Variants in SRGAP3 observed in about 807,000 individuals in gnomAD.
SRGAP3 encodes SLIT-ROBO Rho GTPase-activating protein 3.
A neutral mutation model predicts 121.1 loss-of-function variants in SRGAP3; 39 were observed. The ratio of observed to expected loss-of-function variants is 0.32; its 90% CI spans 0.25 to 0.42. The LOEUF is 0.42. Ranked by LOEUF, SRGAP3 falls within the 10% of genes least tolerant of loss-of-function variation. The pLI is 1.00. For missense variants in SRGAP3, 1,213 were observed against 1,470.6 expected (o/e 0.82, Z 2.86); for synonymous variants, 601 against 570.0 (o/e 1.05, Z -0.77).
At chr3:9,302,116 A>G (rs553174417) in intron 3 of SRGAP3, among the ~76,000 whole-genome samples, 26 of 152,096 alleles carry the variant, frequency 1.7e-4, no homozygotes, top group Non-Finnish European at 3.4e-4. Context: ...CCCCACGGTG[A>G]CCCAATGAGG....
rs777078285 is a variant in SRGAP3 at position 9,058,376 on chromosome 3, C to G, written c.898G>C (p.Asp300His). Residue 300 changes from aspartate (D) to histidine (H), a missense_variant, in exon 7 of 22, where the codon GAT becomes CAT. Coordinates refer to ENST00000383836, the MANE Select transcript of SRGAP3 (RefSeq NM_014850.4). Reference protein sequence around the residue: ...NLETSRHEGLDVIENAVDNLD... With the variant: ...NLETSRHEGLHVIENAVDNLD... Reference sequence around the variant, plus strand: ...TTGTCCACTGCATTCTCAATGACATCCAGCCCTTCGTGGCGAGAGGTCTCC... The same window carrying G: ...TTGTCCACTGCATTCTCAATGACATGCAGCCCTTCGTGGCGAGAGGTCTCC... The G allele has an allele frequency of 4.3e-6, 7 of 1,614,112 alleles. No homozygotes were observed. The highest frequency in any genetic ancestry group is 5.1e-6 in the Non-Finnish European group (6 of 1,180,046).
At chr3:9,334,319 GA>G (rs1417678130) in intron 1 of SRGAP3, among the ~76,000 whole-genome samples, 1 of 152,028 alleles carries the variant, frequency 6.6e-6, no homozygotes, top group African/African-American at 2.4e-5. Flanking sequence ...AGAGAGATTG[GA>G]AATAAACAGG....
At chr3:9,004,856 C>A (rs567736995) in intron 18 of SRGAP3, among the ~76,000 whole-genome samples, 5 of 152,270 alleles carry the variant, frequency 3.3e-5, no homozygotes, top group African/African-American at 9.6e-5. Context: ...AACTTGGATT[C>A]GGCAAAGGCC....
Position 9,013,480 on chromosome 3 carries a change from A to G in SRGAP3, c.1975T>C (p.Phe659Leu), listed in dbSNP as rs767124740. ...GGGATGTGCATGAGGGTAGGCCCGA[A>G]GCAGATGGCCAGGTTGTAGGGATCC... ...MMDPYNLAIC[F>L]GPTLMHIPDG... is the part of the protein sequence containing the mutation. Residue 659 changes from phenylalanine to leucine, a missense_variant, in exon 17 of 22, where the codon TTC (phenylalanine) becomes CTC (leucine). Phe to Leu is a conservative substitution (Grantham distance 22, BLOSUM62 0). Around this residue, in one of 2 missense-constraint regions of SRGAP3, gnomAD observed 793 missense variants for 1,032.9 expected, o/e 0.77. Transcript: ENST00000383836. The G allele has an allele frequency of 6.2e-7, 1 of 1,614,006 alleles. No homozygotes were observed. Among genetic ancestry groups the G allele is most frequent in the Non-Finnish European group, 8.5e-7 (1 of 1,180,042 alleles).
intron 1 of SRGAP3, among the ~76,000 whole-genome samples, chr3:9,232,612 T>C (rs1953255002): frequency 6.6e-6 from 1 of 152,208 alleles, no homozygotes; most frequent in African/African-American, 2.4e-5. Context: ...TTATTAAATG[T>C]TCTTTTGCTT....
intron 2 of SRGAP3, among the ~76,000 whole-genome samples, chr3:9,107,679 G>A (rs559338538): frequency 1.3e-5 from 2 of 152,352 alleles, no homozygotes; most frequent in African/African-American, 4.8e-5. Flanking sequence ...CAGACTACGT[G>A]TACTCAGAAG....
At chr3:9,018,334 T>C (rs1457654324) in intron 14 of SRGAP3, among the ~76,000 whole-genome samples, 1 of 152,212 alleles carries the variant, frequency 6.6e-6, no homozygotes, top group Non-Finnish European at 1.5e-5. Context: ...AGGTATCCTT[T>C]TGATACATTA....
chr3:9,209,610 G>A (rs1952378632), intron 1 of SRGAP3, among the ~76,000 whole-genome samples: 1 of 152,212 alleles, frequency 6.6e-6, no homozygotes. Flanking sequence ...CACTGATGCA[G>A]AACCTTCCCT....
intron 1 of SRGAP3, among the ~76,000 whole-genome samples, chr3:9,160,445 T>C (rs775829671): frequency 5.3e-5 from 8 of 152,184 alleles, no homozygotes; most frequent in Non-Finnish European, 1.0e-4. Flanking sequence ...CAAGCAGCCC[T>C]ATAGAGAGGT....
chr3:9,349,093 A>G, intron 1 of SRGAP3: 1 of 911,468 alleles, frequency 1.1e-6, no homozygotes, highest in Non-Finnish European at 1.8e-6. Context: ...TTGTCTATGA[A>G]TTGGACAAGA....
At chr3:9,339,152 T>G (rs937584897) in intron 1 of SRGAP3, among the ~76,000 whole-genome samples, 4 of 152,262 alleles carry the variant, frequency 2.6e-5, no homozygotes, top group African/African-American at 9.6e-5. Context: ...TGATTATGAT[T>G]CTGAACCGGT....
At chr3:9,110,662 A>G (rs926303923) in intron 2 of SRGAP3, among the ~76,000 whole-genome samples, 2 of 152,266 alleles carry the variant, frequency 1.3e-5, no homozygotes, top group Admixed American at 1.3e-4. Context: ...CTCTAGGTCC[A>G]TCCCAGCATG....
intron 1 of SRGAP3, among the ~76,000 whole-genome samples, chr3:9,346,100 T>C (rs1008159497): frequency 5.9e-5 from 9 of 152,206 alleles, no homozygotes; most frequent in African/African-American, 1.4e-4. Flanking sequence ...ATTGAAAACT[T>C]TGCTCTTCAC....
chr3:9,101,343 T>C (rs1948207094), intron 3 of SRGAP3, among the ~76,000 whole-genome samples: 1 of 152,162 alleles, frequency 6.6e-6, no homozygotes, highest in African/African-American at 2.4e-5. Context: ...ATGGGTCAGG[T>C]GGAACTGAGT....
At chr3:8,997,405 G>A (rs942031102) in intron 18 of SRGAP3, among the ~76,000 whole-genome samples, 2 of 152,096 alleles carry the variant, frequency 1.3e-5, no homozygotes, top group African/African-American at 2.4e-5. Context: ...AGGTAGAGCC[G>A]CTTCTCCCCA....
chr3:9,333,490 T>A (rs1354508299), intron 1 of SRGAP3, among the ~76,000 whole-genome samples: 1 of 152,206 alleles, frequency 6.6e-6, no homozygotes, highest in Non-Finnish European at 1.5e-5. Context: ...TTCCTCCTTG[T>A]CTTGAACCTT....
At chr3:9,291,567 G>A (rs879334221) in intron 3 of SRGAP3, among the ~76,000 whole-genome samples, 2 of 150,518 alleles carry the variant, frequency 1.3e-5, no homozygotes, top group Non-Finnish European at 3.0e-5. Flanking sequence ...CAATAAGCAA[G>A]GACAAATACA....
At position 9,284,832 on chromosome 3, in the gene SRGAP3, C is replaced by CAA. The variant is rs368751790; in HGVS notation, n.442+41176_442+41177dup. Among the ~76,000 whole-genome samples the CAA allele has an allele frequency of 9.2e-3, 1,023 of 111,290 alleles. 7 individuals are homozygous for CAA. The highest frequency in any genetic ancestry group is 0.017 in the Admixed American group (168 of 9,970). 73.0% of individuals were successfully genotyped at this position (111,290 alleles called of 152,430 possible). A position where few individuals can be genotyped will look rare whatever the true frequency, so the allele number is the denominator to read the frequency against. ...TGGGCAATAGAATGAGAGTCTGCCT[C>CAA]AAAAAAAAAAAAAAAAAAAATGGGT... On this transcript the variant is annotated intron_variant and non_coding_transcript_variant, in intron 3 of 3. Transcript: ENST00000490889.
chr3:9,021,275 G>A (rs1271634030), intron 14 of SRGAP3, among the ~76,000 whole-genome samples: 3 of 152,208 alleles, frequency 2.0e-5, no homozygotes, highest in South Asian at 2.1e-4. Context: ...CCTTGGCAAG[G>A]CACCCCCTCC....
Sources: allele counts gnomAD v4.1 joint callset (sites outside exome capture counted in the v4.1 genomes callset), GRCh38; gene constraint gnomAD v4.1.1; regional missense constraint gnomAD v4.1.1; transcripts MANE v1.5; gene names NCBI Gene and HGNC (gene_info 2026-07-23, HGNC 2026-07-21).